The following GSE1 variants were observed in gnomAD, a reference collection of about 807,000 sequenced individuals.
GSE1 encodes genetic suppressor element 1.
In GSE1, 32 loss-of-function variants were observed where a neutral mutation model predicts 112.6. The observed-to-expected ratio is 0.28, with a 90% CI of 0.21 to 0.38. The LOEUF (loss-of-function observed/expected upper bound fraction) is 0.38, where lower values mean the gene tolerates loss of function less well. Among genes scored for constraint, GSE1 ranks in the 10% least tolerant of loss-of-function variants. The probability of loss-of-function intolerance (pLI) is 1.00; values close to 1 mark genes in which losing one functional copy is unlikely to be tolerated. For synonymous variants in GSE1, 1,115 were observed against 735.6 expected (o/e 1.52, Z -8.35); for missense variants, 2,348 against 1,699.2 (o/e 1.38, Z -6.71).
rs7405448 is a variant in GSE1, at chr16:85,412,662, G to A, written c.2464+55019G>A. ...GGATAATCCTCACCGTTACACTCAG[G>A]GCCCCCCTGGATAATCCTCACCGTT... On this transcript the variant is annotated intron_variant, in intron 2 of 2. Transcript: ENST00000637419. Among the ~76,000 whole-genome samples, 2 of 57,460 alleles carry A rather than the reference G, an allele frequency of 3.5e-5. 1 individual carries two copies. Among genetic ancestry groups the A allele is most frequent in the Non-Finnish European group, 6.9e-5 (2 of 28,898 alleles). 37.7% of individuals were successfully genotyped at this position (57,460 alleles called of 152,430 possible).
chr16:85,503,531 G>A (rs2051438845), intron 2 of GSE1, among the ~76,000 whole-genome samples: 1 of 152,142 alleles, frequency 6.6e-6, no homozygotes, highest in Non-Finnish European at 1.5e-5. Flanking sequence ...GGGGCCTCTG[G>A]CCCTGCTGGT....
At chr16:85,295,787 T>G (rs1268896173) in intron 1 of GSE1, among the ~76,000 whole-genome samples, 2 of 80,098 alleles carry the variant, frequency 2.5e-5, no homozygotes, top group Admixed American at 2.9e-4. Flanking sequence ...TTTTTTTTTG[T>G]AGAGATGGGG....
intron 1 of GSE1, chr16:85,592,120 G>C (rs1423637618): frequency 6.6e-6 from 1 of 152,108 alleles, no homozygotes; most frequent in South Asian, 2.1e-4. Flanking sequence ...TTTCTGTGCA[G>C]ATTTTTTCTT....
chr16:85,621,532 T>G (rs538057583), intron 1 of GSE1, among the ~76,000 whole-genome samples: 1 of 152,326 alleles, frequency 6.6e-6, no homozygotes, highest in South Asian at 2.1e-4. Flanking sequence ...CTAAGGAAGT[T>G]AATCCATCCT....
chr16:85,643,784 G>A (rs182192160), intron 2 of GSE1, among the ~76,000 whole-genome samples: 1 of 152,160 alleles, frequency 6.6e-6, no homozygotes, highest in African/African-American at 2.4e-5. Flanking sequence ...GCTCCCCACT[G>A]TCCGGTCCCC....
chr16:85,449,626 C>G (rs944964375), intron 2 of GSE1, among the ~76,000 whole-genome samples: 7 of 152,236 alleles, frequency 4.6e-5, no homozygotes, highest in African/African-American at 1.7e-4. Flanking sequence ...GCCCAAATGC[C>G]TTGTTCCCAG....
chr16:85,351,652 C>T (rs542585858), intron 1 of GSE1, among the ~76,000 whole-genome samples: 9 of 152,206 alleles, frequency 5.9e-5, no homozygotes, highest in South Asian at 2.1e-4. Flanking sequence ...TTTTAATGGG[C>T]GAATTGTATA....
upstream of GSE1, among the ~76,000 whole-genome samples, chr16:85,609,524 CTG>C (rs1202179294): frequency 8.5e-5 from 13 of 152,254 alleles, no homozygotes; most frequent in African/African-American, 3.1e-4. Context: ...CGCCCACCCT[CTG>C]TGGTTCAAGG....
chr16:85,657,699 C>A, intron 8 of GSE1, 95 bp downstream of exon 8: 3 of 783,312 alleles, frequency 3.8e-6, no homozygotes, highest in Non-Finnish European at 5.7e-6. Flanking sequence ...ACATCCTGCC[C>A]CAGCGTTTCT....
At chr16:85,172,837 G>A (rs148761013) in intron 1 of GSE1, among the ~76,000 whole-genome samples, 66 of 152,342 alleles carry the variant, frequency 4.3e-4, no homozygotes, top group Non-Finnish European at 7.5e-4. Context: ...TGTGGGGCAC[G>A]GAGGTGGACT....
At chr16:85,331,521 A>ATATTTGTG (rs1567693046) in intron 1 of GSE1, among the ~76,000 whole-genome samples, 6 of 62,178 alleles carry the variant, frequency 9.6e-5, no homozygotes, top group African/African-American at 2.6e-4. Context: ...ATATATGTGT[A>ATATTTGTG]TATATGTGTA....
At chr16:85,364,728 T>G (rs568750325) in intron 2 of GSE1, among the ~76,000 whole-genome samples, 15 of 152,160 alleles carry the variant, frequency 9.9e-5, no homozygotes, top group African/African-American at 3.6e-4. Flanking sequence ...ATGCCGTTCC[T>G]GCCCACTTCC....
intron 3 of GSE1, among the ~76,000 whole-genome samples, chr16:85,651,260 G>C (rs1236279086): frequency 1.3e-5 from 2 of 151,922 alleles, no homozygotes; most frequent in Non-Finnish European, 2.9e-5. Context: ...GCCTTGCCTG[G>C]ATGGGGGGCA....
chr16:85,292,142 C>CTTT (rs34933476), intron 1 of GSE1, among the ~76,000 whole-genome samples: 7 of 137,842 alleles, frequency 5.1e-5, no homozygotes, highest in African/African-American at 1.6e-4. Context: ...AAGAATGAAC[C>CTTT]TTTTTTTTTT....
upstream of GSE1, among the ~76,000 whole-genome samples, chr16:85,552,750 T>C (rs563773592): frequency 4.6e-5 from 7 of 152,352 alleles, no homozygotes; most frequent in East Asian, 1.4e-3. Flanking sequence ...GGCAAGCTTC[T>C]TTCTGGCATA....
chr16:85,607,246 C>A (rs1254390969), upstream of GSE1, among the ~76,000 whole-genome samples: 1 of 152,096 alleles, frequency 6.6e-6, no homozygotes, highest in Admixed American at 6.5e-5. Context: ...CAGGTTTCCC[C>A]GCTCCAGTAG....
At chr16:85,297,832 T>G (rs1276920315) in intron 1 of GSE1, among the ~76,000 whole-genome samples, 1 of 152,140 alleles carries the variant, frequency 6.6e-6, no homozygotes, top group Admixed American at 6.5e-5. Flanking sequence ...AGTTTTATAT[T>G]TCCTTGTCTC....
chr16:85,450,920 AAAAATTAGC>A (rs1233614440), intron 2 of GSE1, among the ~76,000 whole-genome samples: 1 of 151,998 alleles, frequency 6.6e-6, no homozygotes, highest in East Asian at 1.9e-4. Context: ...CTAAAAATAC[AAAAATTAGC>A]TGGGCATGGT....
intron 1 of GSE1, among the ~76,000 whole-genome samples, chr16:85,197,862 A>G (rs1487554932): frequency 6.6e-6 from 1 of 152,192 alleles, no homozygotes; most frequent in East Asian, 1.9e-4. Flanking sequence ...CCGCCAGCCC[A>G]GGGTCCCCAC....
Sources: allele counts gnomAD v4.1 joint callset (sites outside exome capture counted in the v4.1 genomes callset), GRCh38; gene constraint gnomAD v4.1.1; transcripts MANE v1.5; gene names NCBI Gene and HGNC (gene_info 2026-07-23, HGNC 2026-07-21).